FOXP1: variants seen among roughly 807,000 people sequenced by gnomAD.
FOXP1 encodes the protein forkhead box protein P1.
A neutral mutation model predicts 98.2 loss-of-function variants in FOXP1; 15 were observed. The ratio of observed to expected loss-of-function variants is 0.15; its 90% confidence interval spans 0.10 to 0.24. FOXP1 has a LOEUF of 0.24. Ranked by LOEUF, FOXP1 falls within the 10% of genes least tolerant of loss-of-function variation. The pLI is 1.00. For missense variants in FOXP1, 633 were observed against 848.5 expected (o/e 0.75, Z 3.15); for synonymous variants, 371 against 314.5 (o/e 1.18, Z -1.90).
At chr3:71,445,923 G>A (rs1420929764) in intron 3 of FOXP1, among the ~76,000 whole-genome samples, 1 of 152,140 alleles carries the variant, frequency 6.6e-6, no homozygotes, top group Non-Finnish European at 1.5e-5. Flanking sequence ...CTGCCGTCAG[G>A]TGATCCGCCC....
At chr3:71,037,960 A>G (rs1252989721) in intron 11 of FOXP1, among the ~76,000 whole-genome samples, 2 of 152,232 alleles carry the variant, frequency 1.3e-5, no homozygotes, top group Non-Finnish European at 2.9e-5. Flanking sequence ...TTTACCCTGA[A>G]TGATTTAATT....
chr3:71,407,760 G>A (rs1399763130), intron 3 of FOXP1, among the ~76,000 whole-genome samples: 3 of 150,764 alleles, frequency 2.0e-5, no homozygotes, highest in Non-Finnish European at 4.4e-5. Context: ...ACAAAAATAG[G>A]GACCAAAAAA....
chr3:71,053,516 C>A, intron 8 of FOXP1, 120 bp downstream of exon 8: 1 of 1,241,072 alleles, frequency 8.1e-7, no homozygotes. Context: ...GCCCCACCCA[C>A]GCTGCTTTAC....
At position 71,288,869 on chromosome 3, in the gene FOXP1, G is replaced by A. The variant is rs527710200; in HGVS notation, c.-12+10951C>T. ...GCCAGCAGACTGCTAGTTATATAAA[G>A]CCAGTAAATATGATAGGAGTGAGAT... On this transcript the variant is annotated intron_variant, in intron 5 of 20. Transcript: ENST00000649528. 1.1e-4 allele frequency among the ~76,000 whole-genome samples: 16 copies of A among 152,198 alleles called. No individual in the cohort carries two copies. In the South Asian group the frequency reaches 2.7e-3, roughly 26 times the overall value.
chr3:71,265,656 G>T (rs2069569526), intron 5 of FOXP1, among the ~76,000 whole-genome samples: 1 of 152,196 alleles, frequency 6.6e-6, no homozygotes, highest in South Asian at 2.1e-4. Flanking sequence ...TGCAGACTTA[G>T]GTTTCCCAGG....
chr3:71,489,535 GCTAA>G (rs757229350), intron 3 of FOXP1, among the ~76,000 whole-genome samples: 1 of 152,168 alleles, frequency 6.6e-6, no homozygotes, highest in Non-Finnish European at 1.5e-5. Flanking sequence ...TAACACTGTG[GCTAA>G]CTGCCGATTA....
rs528035223 is a variant in FOXP1, at chr3:71,232,574, A to G, written c.-11-34182T>C. Among the ~76,000 whole-genome samples the G allele has an allele frequency of 2.0e-5, 3 of 152,114 alleles. No homozygotes were observed. The East Asian group carries it at 5.8e-4, about 29-fold the overall frequency. ...ATAGATCTCAAAAAATGAAACAGAG[A>G]ATAGAAACTCCGACAAAAAAAACAA... On this transcript the variant is annotated intron_variant, in intron 5 of 20. Transcript: ENST00000649528.
chr3:71,342,356 G>C (rs1397462487), intron 4 of FOXP1, among the ~76,000 whole-genome samples: 2 of 152,112 alleles, frequency 1.3e-5, no homozygotes, highest in East Asian at 3.9e-4. Context: ...AGAAGGCAAA[G>C]CAGTGAAAAA....
At chr3:70,960,961 C>T (rs1265902614) in intron 20 of FOXP1, among the ~76,000 whole-genome samples, 1 of 150,940 alleles carries the variant, frequency 6.6e-6, no homozygotes, top group Non-Finnish European at 1.5e-5. Context: ...CCTGCCTCAG[C>T]CTCCTGAGTA....
intron 6 of FOXP1, among the ~76,000 whole-genome samples, chr3:71,189,985 C>T (rs570563103): frequency 6.6e-6 from 1 of 152,288 alleles, no homozygotes; most frequent in South Asian, 2.1e-4. Context: ...CGTTAGTGGC[C>T]GATTACTAAA....
At chr3:71,216,282 C>CT (rs2064919953) in intron 5 of FOXP1, among the ~76,000 whole-genome samples, 1 of 152,220 alleles carries the variant, frequency 6.6e-6, no homozygotes, top group African/African-American at 2.4e-5. Context: ...AACTCACAAA[C>CT]TTTAAGAATT....
intron 6 of FOXP1, among the ~76,000 whole-genome samples, chr3:71,190,542 C>T (rs934346984): frequency 2.0e-5 from 3 of 149,990 alleles, no homozygotes; most frequent in Middle Eastern, 3.4e-3. Context: ...TCGCTTGAGC[C>T]CGGGGAGGTA....
At chr3:71,093,577 T>C (rs1247113588) in intron 7 of FOXP1, among the ~76,000 whole-genome samples, 1 of 149,994 alleles carries the variant, frequency 6.7e-6, no homozygotes, top group Non-Finnish European at 1.5e-5. Flanking sequence ...TATAATTCTC[T>C]GTTCAGTTTC....
In FOXP1 at chr3:71,566,140, A is replaced by G. The variant is rs541259371; in HGVS notation, c.-298+15409T>C. On this transcript the variant is annotated intron_variant, in intron 2 of 20. Coordinates refer to ENST00000649528, the MANE Select transcript of FOXP1 (RefSeq NM_001349338.3). ...ATTCTGCCCGAGCCGCTCCTCATGC[A>G]CTCAGCACAGATGTGGCTGAATGTG... Among the ~76,000 whole-genome samples the G allele has an allele frequency of 9.9e-5, 15 of 152,226 alleles. 1 individual carries two copies. Among genetic ancestry groups the G allele is most frequent in the African/African-American group, 3.4e-4 (14 of 41,532 alleles).
chr3:71,311,661 C>A (rs2074690309), intron 4 of FOXP1, among the ~76,000 whole-genome samples: 1 of 152,186 alleles, frequency 6.6e-6, no homozygotes, highest in East Asian at 1.9e-4. Flanking sequence ...GCTGGAAAGA[C>A]CTCCAACAAT....
intron 5 of FOXP1, among the ~76,000 whole-genome samples, chr3:71,279,172 CAAAAAAAA>C (rs11308828): frequency 1.4e-5 from 1 of 69,790 alleles, no homozygotes; most frequent in Admixed American, 1.7e-4. Flanking sequence ...AACTCCATCT[CAAAAAAAA>C]AAAAAAAAAA....
chr3:71,309,902 G>C (rs2074563279), intron 4 of FOXP1, among the ~76,000 whole-genome samples: 1 of 151,918 alleles, frequency 6.6e-6, no homozygotes, highest in Non-Finnish European at 1.5e-5. Context: ...GTTATCATCA[G>C]ACTTTAGATG....
Position 71,396,995 on chromosome 3 carries a change from C to T in FOXP1, c.-167-37751G>A, listed in dbSNP as rs13073367. ...ATATATATATATGTGTATATATATACACATATATATGTGTATATATATATA... is the reference window on the plus strand; with the variant it reads ...ATATATATATATGTGTATATATATATACATATATATGTGTATATATATATA... On this transcript the variant is annotated intron_variant, in intron 3 of 20. Transcript: ENST00000649528. 3.3e-3 allele frequency among the ~76,000 whole-genome samples: 152 copies of T among 46,064 alleles called. 27 individuals carry two copies. The Middle Eastern group carries it at 0.064, about 19-fold the overall frequency. 30.2% of individuals were successfully genotyped at this position (46,064 alleles called of 152,430 possible).
rs140040361 is a variant in FOXP1, at chr3:70,993,408, C to T, written c.1063-5331G>A. ...GCCACAATGATCCTCTGGGTGGAAG[C>T]GTTAAGGCAGGATCCCACAATAAAA... On this transcript the variant is annotated intron_variant, in intron 13 of 20. Coordinates refer to ENST00000649528, the MANE Select transcript of FOXP1 (RefSeq NM_001349338.3). Among the ~76,000 whole-genome samples the T allele has an allele frequency of 2.5e-3, 376 of 152,292 alleles. 3 individuals carry two copies. Among genetic ancestry groups the T allele is most frequent in the Middle Eastern group, 0.01 (3 of 294 alleles).
Sources: allele counts gnomAD v4.1 joint callset (sites outside exome capture counted in the v4.1 genomes callset), GRCh38; gene constraint gnomAD v4.1.1; transcripts MANE v1.5; gene names NCBI Gene and HGNC (gene_info 2026-07-23, HGNC 2026-07-21).